The following TXNRD3 variants were observed in gnomAD, a reference collection of about 807,000 sequenced individuals.
TXNRD3 encodes TXNRD3 neighbor gene protein.
TXNRD3 carries 68 observed loss-of-function variants against 78.2 expected under a neutral mutation model. That is an observed-to-expected ratio of 0.87 (90% CI 0.72 to 1.06). The LOEUF (loss-of-function observed/expected upper bound fraction) is 1.06. TXNRD3 is among the 50% of genes least tolerant of loss of function. TXNRD3 has a pLI of 0.00. For missense variants in TXNRD3, 751 were observed against 809.5 expected (o/e 0.93, Z 0.88); for synonymous variants, 296 against 300.1 (o/e 0.99, Z 0.14).
rs575187460 is a variant in TXNRD3 at position 126,631,955 on chromosome 3, C to A, written c.856-76G>T. On this transcript the variant is annotated intron_variant, in intron 7 of 15. Transcript: ENST00000524230. ...ACACCCTGGACAAAATAGTTACTAC[C>A]CTCATGGAGCTTCTCATTCAACAGC... 4 of 880,430 alleles carry A rather than the reference C, an allele frequency of 4.5e-6. No homozygotes were observed. In the South Asian group the frequency reaches 5.9e-5, roughly 13 times the overall value. 54.5% of individuals were successfully genotyped at this position (880,430 alleles called of 1,614,324 possible).
chr3:126,614,925 T>TG (rs1576280822), intron 13 of TXNRD3, among the ~76,000 whole-genome samples: 1 of 152,064 alleles, frequency 6.6e-6, no homozygotes, highest in Non-Finnish European at 1.5e-5. Flanking sequence ...TGGACAGGGT[T>TG]GGGGGGTAAA....
Position 126,630,733 on chromosome 3 carries a change from T to C in TXNRD3, c.1176A>G (p.Leu392=), listed in dbSNP as rs1215528118. Residue 392 remains leucine, a synonymous_variant, in exon 9 of 16, where the codon CTA becomes CTG. Coordinates refer to ENST00000524230, the MANE Select transcript of TXNRD3 (RefSeq NM_052883.3). ...TTACCATCACAGGTATGAATTTCCGTAGGAACTTCACACCATGCTGCTCCA... is the reference window on the plus strand; with the variant it reads ...TTACCATCACAGGTATGAATTTCCGCAGGAACTTCACACCATGCTGCTCCA... 1.6e-5 allele frequency: 25 copies of C among 1,534,166 alleles called. No homozygotes were observed. Among genetic ancestry groups the C allele is most frequent in the Non-Finnish European group, 2.2e-5 (25 of 1,146,848 alleles).
At chr3:126,636,664 A>C (rs970583434) in intron 6 of TXNRD3, among the ~76,000 whole-genome samples, 1 of 152,110 alleles carries the variant, frequency 6.6e-6, no homozygotes, top group African/African-American at 2.4e-5. Context: ...TCAAGACACT[A>C]CCAGAGAGGA....
At chr3:126,635,976 G>A (rs571866855) in intron 6 of TXNRD3, among the ~76,000 whole-genome samples, 31 of 152,264 alleles carry the variant, frequency 2.0e-4, no homozygotes, top group African/African-American at 6.5e-4. Flanking sequence ...CTGCTGCCCA[G>A]GCTGGAGTGC....
intron 5 of TXNRD3, 39 bp from the exon 6 acceptor site, chr3:126,642,190 C>G: frequency 6.6e-7 from 1 of 1,513,196 alleles, no homozygotes; most frequent in South Asian, 1.2e-5. Context: ...CTTTGTGTGT[C>G]TAGTTTCACA....
rs576374475 is a variant in TXNRD3, at chr3:126,644,288, T to C, written c.519+9A>G. 19 of 1,532,816 alleles carry C rather than the reference T, an allele frequency of 1.2e-5. No homozygotes were observed. The African/African-American group carries it at 1.6e-4, about 13-fold the overall frequency. The allele number at this position is 1,532,816 out of a possible 1,614,324, so 95.0% of individuals were successfully genotyped here. A position where few individuals can be genotyped will look rare whatever the true frequency, so the allele number is the denominator to read the frequency against. Reference sequence around the variant, plus strand: ...AAATTATCTACGAGTTTCATTTCTATATTCATACCTTCGCACATGAAAGGC... The same window carrying C: ...AAATTATCTACGAGTTTCATTTCTACATTCATACCTTCGCACATGAAAGGC... On this transcript the variant is annotated intron_variant, in intron 4 of 15. Coordinates refer to ENST00000524230, the MANE Select transcript of TXNRD3 (RefSeq NM_052883.3).
Position 126,607,859 on chromosome 3 carries a change from T to G in TXNRD3, c.*46A>C. 3 of 1,428,436 alleles carry G rather than the reference T, an allele frequency of 2.1e-6. No individual in the cohort carries two copies. Among genetic ancestry groups the G allele is most frequent in the Non-Finnish European group, 2.8e-6 (3 of 1,062,394 alleles). The allele number at this position is 1,428,436 out of a possible 1,614,324, so 88.5% of individuals were successfully genotyped here. ...ATTTTATCCGAGAGCATTCTTATCT[T>G]TGAGAGAAATGAGAATATGACAAGG... On this transcript the variant is annotated 3_prime_UTR_variant, in exon 16 of 16. Coordinates refer to ENST00000524230, the MANE Select transcript of TXNRD3 (RefSeq NM_052883.3).
chr3:126,647,161 A>G, intron 2 of TXNRD3, 75 bp downstream of exon 2: 1 of 1,197,522 alleles, frequency 8.4e-7, no homozygotes, highest in African/African-American at 1.5e-5. Context: ...TCTGAATTGA[A>G]CAAAGTAAAT....
intron 8 of TXNRD3, among the ~76,000 whole-genome samples, chr3:126,631,202 TAA>T (rs5852488): frequency 2.7e-4 from 41 of 150,072 alleles, no homozygotes; most frequent in Admixed American, 1.0e-3. Context: ...TTACATGTGA[TAA>T]AAAAAAAAAC....
intron 12 of TXNRD3, among the ~76,000 whole-genome samples, chr3:126,619,530 T>C (rs1318793036): frequency 1.3e-5 from 2 of 151,968 alleles, no homozygotes; most frequent in African/African-American, 2.4e-5. Context: ...AAGTAGAAAG[T>C]AGAATTGTGG....
intron 6 of TXNRD3, among the ~76,000 whole-genome samples, chr3:126,640,963 G>A (rs562106111): frequency 6.6e-6 from 1 of 151,540 alleles, no homozygotes; most frequent in African/African-American, 2.4e-5. Flanking sequence ...TCATCACAAA[G>A]ACTACAAAAA....
At chr3:126,612,469 A>G (rs972083453) in intron 13 of TXNRD3, among the ~76,000 whole-genome samples, 1 of 152,020 alleles carries the variant, frequency 6.6e-6, no homozygotes, top group African/African-American at 2.4e-5. Context: ...AACTCTTACC[A>G]GGTTTGTTTT....
chr3:126,639,721 C>T (rs148067770), intron 6 of TXNRD3, among the ~76,000 whole-genome samples: 1 of 152,038 alleles, frequency 6.6e-6, no homozygotes, highest in African/African-American at 2.4e-5. Flanking sequence ...CAGGTGCATG[C>T]CACCATGCCT....
At chr3:126,613,290 A>G (rs550378976) in intron 13 of TXNRD3, among the ~76,000 whole-genome samples, 1 of 152,200 alleles carries the variant, frequency 6.6e-6, no homozygotes, top group South Asian at 2.1e-4. Context: ...ATTCGGCTCT[A>G]TGCAAGAGCA....
At chr3:126,609,999 C>T (rs1938159740) in intron 14 of TXNRD3, among the ~76,000 whole-genome samples, 1 of 152,204 alleles carries the variant, frequency 6.6e-6, no homozygotes, top group African/African-American at 2.4e-5. Context: ...AGCACCCACC[C>T]TCAGGAGCAC....
At chr3:126,638,660 G>A (rs1932974717) in intron 6 of TXNRD3, among the ~76,000 whole-genome samples, 1 of 152,140 alleles carries the variant, frequency 6.6e-6, no homozygotes, top group Non-Finnish European at 1.5e-5. Flanking sequence ...CTTGAACACG[G>A]GAGATGGAGG....
intron 10 of TXNRD3, among the ~76,000 whole-genome samples, chr3:126,626,710 T>G (rs1938587369): frequency 6.6e-6 from 1 of 152,198 alleles, no homozygotes; most frequent in Non-Finnish European, 1.5e-5. Flanking sequence ...GCATAATCAT[T>G]GGGAAACTGT....
intron 1 of TXNRD3, among the ~76,000 whole-genome samples, chr3:126,648,969 A>G (rs1933305700): frequency 6.6e-6 from 1 of 152,178 alleles, no homozygotes; most frequent in Admixed American, 6.5e-5. Flanking sequence ...ACACCTGTGA[A>G]TAGCCACGGC....
At chr3:126,611,442 T>C (rs781145440) in intron 13 of TXNRD3, among the ~76,000 whole-genome samples, 1 of 152,218 alleles carries the variant, frequency 6.6e-6, no homozygotes, top group Non-Finnish European at 1.5e-5. Context: ...GCACAGGCTC[T>C]CGTGTGGGCT....
Sources: allele counts gnomAD v4.1 joint callset (sites outside exome capture counted in the v4.1 genomes callset), GRCh38; gene constraint gnomAD v4.1.1; transcripts MANE v1.5; gene names NCBI Gene and HGNC (gene_info 2026-07-23, HGNC 2026-07-21).